HDAC4: variants seen among roughly 807,000 people sequenced by gnomAD.
The protein encoded by HDAC4 is histone deacetylase 4, also known as histone deacetylase A.
A neutral mutation model predicts 135.1 loss-of-function variants in HDAC4; 16 were observed. The observed-to-expected ratio is 0.12, with a 90% CI of 0.08 to 0.18. The LOEUF is 0.18. Among genes scored for constraint, HDAC4 ranks in the 10% least tolerant of loss-of-function variants. The pLI is 1.00. For synonymous variants in HDAC4, 685 were observed against 653.4 expected (o/e 1.05, Z -0.74); for missense variants, 1,143 against 1,511.8 (o/e 0.76, Z 4.05).
intron 2 of HDAC4, among the ~76,000 whole-genome samples, chr2:239,304,470 C>G (rs1433976467): frequency 2.0e-5 from 3 of 152,212 alleles, no homozygotes; most frequent in Non-Finnish European, 2.9e-5. Flanking sequence ...TCAGAGCCCC[C>G]ATGAGGATAG....
chr2:239,190,010 G>A lies in HDAC4; in HGVS notation c.162C>T (p.Asp54=), dbSNP rs1424635243. 5 of 1,605,852 alleles carry A rather than the reference G, an allele frequency of 3.1e-6. No individual in the cohort carries two copies. Among genetic ancestry groups the A allele is most frequent in the Non-Finnish European group, 4.2e-6 (5 of 1,179,894 alleles). The part of the protein sequence containing the change: ...PSAVPMDLRL[D]HQFSLPVAEP... The stretch of plus-strand genomic sequence containing the variant: ...CTGCCACAGGCAGTGAGAACTGGTG[G>A]TCCAGGCGCAGGTCCATGGGCACTG... Residue 54 remains aspartate, a synonymous_variant, in exon 4 of 27, where the codon GAC becomes GAT. Coordinates refer to ENST00000543185, the MANE Select transcript of HDAC4 (RefSeq NM_001378414.1).
intron 3 of HDAC4, among the ~76,000 whole-genome samples, chr2:239,221,296 T>C (rs1284786179): frequency 6.6e-6 from 1 of 152,032 alleles, no homozygotes; most frequent in East Asian, 1.9e-4. Context: ...GGGGACACCA[T>C]GGTGCCACCT....
chr2:239,321,402 T>C (rs1242610504), intron 2 of HDAC4, among the ~76,000 whole-genome samples: 1 of 137,466 alleles, frequency 7.3e-6, no homozygotes, highest in African/African-American at 2.7e-5. Flanking sequence ...GAGACGGAGC[T>C]TGCAGCGAGC....
intron 3 of HDAC4, among the ~76,000 whole-genome samples, chr2:239,195,416 G>A (rs1213111077): frequency 6.6e-6 from 1 of 152,214 alleles, no homozygotes; most frequent in Non-Finnish European, 1.5e-5. Flanking sequence ...GGGCTCCTGA[G>A]GGCTTCCTAA....
Position 239,052,287 on chromosome 2 carries a change from G to A in HDAC4, c.*810C>T, listed in dbSNP as rs2030974604. 6.6e-6 allele frequency: 1 copy of A among 152,384 alleles called. No homozygotes were observed. The highest frequency in any genetic ancestry group is 6.5e-5 in the Admixed American group (1 of 15,304). 9.4% of individuals were successfully genotyped at this position (152,384 alleles called of 1,614,324 possible). On this transcript the variant is annotated 3_prime_UTR_variant, in exon 27 of 27. Transcript: ENST00000543185. ...TGCTTGAGGCGTCAGGCCAGCTCGCGGTGCCAGCACTGCCAGGCTCGGCTG... is the reference window on the plus strand; with the variant it reads ...TGCTTGAGGCGTCAGGCCAGCTCGCAGTGCCAGCACTGCCAGGCTCGGCTG...
In HDAC4 at chr2:239,197,595, C is replaced by T. The variant is rs144537212; in HGVS notation, c.95-7518G>A. Among the ~76,000 whole-genome samples, 77 of 152,304 alleles carry T rather than the reference C, an allele frequency of 5.1e-4. 1 individual carries two copies. The South Asian group carries it at 7.3e-3, about 14-fold the overall frequency. On this transcript the variant is annotated intron_variant, in intron 3 of 26. Coordinates refer to ENST00000543185, the MANE Select transcript of HDAC4 (RefSeq NM_001378414.1). Reference sequence around the variant, plus strand: ...CTCCCAGAACAATACTGGGTCTTTTCCATCCTCCCTGTTTTCCTTGTCTTT... The same window carrying T: ...CTCCCAGAACAATACTGGGTCTTTTTCATCCTCCCTGTTTTCCTTGTCTTT...
At chr2:239,383,737 C>T (rs901590062) in intron 1 of HDAC4, among the ~76,000 whole-genome samples, 1 of 152,050 alleles carries the variant, frequency 6.6e-6, no homozygotes, top group South Asian at 2.1e-4. Flanking sequence ...AGCACTGCCT[C>T]GGGCCAGCTG....
intron 2 of HDAC4, among the ~76,000 whole-genome samples, chr2:239,255,297 G>C (rs199881753): frequency 2.7e-4 from 11 of 41,160 alleles, no homozygotes; most frequent in South Asian, 8.7e-4. Flanking sequence ...TTTTCTCACT[G>C]TGTGTGTGTG....
intron 2 of HDAC4, among the ~76,000 whole-genome samples, chr2:239,275,779 G>A (rs1164826275): frequency 1.3e-5 from 2 of 152,092 alleles, no homozygotes; most frequent in Admixed American, 6.5e-5. Flanking sequence ...AAGATAGAAC[G>A]CCAGGACCCC....
At chr2:239,130,768 G>A (rs1240896532) in intron 11 of HDAC4, among the ~76,000 whole-genome samples, 1 of 152,086 alleles carries the variant, frequency 6.6e-6, no homozygotes, top group Non-Finnish European at 1.5e-5. Context: ...CCACATGCCT[G>A]TACTACCAAG....
chr2:239,274,886 T>C (rs1241959246), intron 2 of HDAC4, among the ~76,000 whole-genome samples: 1 of 152,182 alleles, frequency 6.6e-6, no homozygotes, highest in Non-Finnish European at 1.5e-5. Context: ...GCTGCTCCTC[T>C]TGGTTTGAAG....
chr2:239,356,547 T>C (rs917562977), intron 1 of HDAC4, among the ~76,000 whole-genome samples: 4 of 152,180 alleles, frequency 2.6e-5, no homozygotes, highest in African/African-American at 9.7e-5. Flanking sequence ...ATTTAAAATA[T>C]AGAAATAGAT....
Position 239,285,080 on chromosome 2 carries a change from C to T in HDAC4, c.23-48416G>A, listed in dbSNP as rs546291040. On this transcript the variant is annotated intron_variant, in intron 2 of 26. Transcript: ENST00000543185. This position sits in a 1 kb window ranked among gnomAD's most constrained non-coding sequence, Gnocchi z 4.5. ...AGCCATCAAATAAAATACATCCCACCCCACACCTAGACAATCTACAGTCTA... is the reference window on the plus strand; with the variant it reads ...AGCCATCAAATAAAATACATCCCACTCCACACCTAGACAATCTACAGTCTA... 4.5e-4 allele frequency among the ~76,000 whole-genome samples: 69 copies of T among 152,292 alleles called. No individual in the cohort carries two copies. Among genetic ancestry groups the T allele is most frequent in the African/African-American group, 1.7e-3 (69 of 41,554 alleles).
At chr2:239,230,368 C>CAAAAAAAAAAAAAAAAAAAAAAGAAAAA (rs2047478073) in intron 3 of HDAC4, among the ~76,000 whole-genome samples, 4 of 79,394 alleles carry the variant, frequency 5.0e-5, no homozygotes, top group Non-Finnish European at 7.0e-5. Flanking sequence ...AGCAAGCAAG[C>CAAAAAAAAAAAAAAAAAAAAAAGAAAAA]AAAAAAAAAA....
At chr2:239,237,560 A>C (rs1413944947) in intron 2 of HDAC4, among the ~76,000 whole-genome samples, 1 of 150,846 alleles carries the variant, frequency 6.6e-6, no homozygotes, top group African/African-American at 2.5e-5. Flanking sequence ...AAAACGACTA[A>C]CATCAGGTCA....
chr2:239,245,719 A>G lies in HDAC4; in HGVS notation c.23-9055T>C, dbSNP rs2048423463. The stretch of plus-strand genomic sequence containing the variant: ...CTCTTTCCTTTCATATATCTTTGAA[A>G]CTTTTCATAACAATTTTTCAAGAGA... On this transcript the variant is annotated intron_variant, in intron 2 of 26. Coordinates refer to ENST00000543185, the MANE Select transcript of HDAC4 (RefSeq NM_001378414.1). This position sits in a 1 kb window ranked among gnomAD's most constrained non-coding sequence, Gnocchi z 4.4. 6.6e-6 allele frequency among the ~76,000 whole-genome samples: 1 copy of G among 152,078 alleles called. No individual in the cohort carries two copies. Among genetic ancestry groups the G allele is most frequent in the Admixed American group, 6.5e-5 (1 of 15,268 alleles).
rs114667864 is a variant in HDAC4, at chr2:239,308,681, C to A, written c.22+43997G>T. Among the ~76,000 whole-genome samples the A allele has an allele frequency of 9.2e-5, 14 of 152,152 alleles. No individual in the cohort carries two copies. The highest frequency in any genetic ancestry group is 2.2e-4 in the African/African-American group (9 of 41,430). On this transcript the variant is annotated intron_variant, in intron 2 of 26. Transcript: ENST00000543185. The surrounding 1 kb of genome is among the most constrained non-coding windows in gnomAD (Gnocchi z 4.2). ...GTTAACAGGCCTCCGGGTGTCCCCC[C>A]CTTCCAGCCCAGTGCAGGGGTTCAG...
intron 2 of HDAC4, among the ~76,000 whole-genome samples, chr2:239,339,027 T>A (rs62182112): frequency 6.6e-6 from 1 of 152,070 alleles, no homozygotes; most frequent in Non-Finnish European, 1.5e-5. Context: ...ATGTATTTAG[T>A]TTACATAAAA....
chr2:239,315,887 T>A (rs542675329), intron 2 of HDAC4, among the ~76,000 whole-genome samples: 4 of 152,026 alleles, frequency 2.6e-5, no homozygotes, highest in Admixed American at 1.3e-4. Flanking sequence ...AAACAGTAAG[T>A]TTGATACATG....
Sources: allele counts gnomAD v4.1 joint callset (sites outside exome capture counted in the v4.1 genomes callset), GRCh38; gene constraint gnomAD v4.1.1; non-coding constraint Gnocchi (gnomAD v3.1); transcripts MANE v1.5; gene names NCBI Gene and HGNC (gene_info 2026-07-23, HGNC 2026-07-21).